Variants in MRPL33 observed in about 807,000 individuals in gnomAD.
The protein encoded by MRPL33 is large ribosomal subunit protein bL33m.
A neutral mutation model predicts 10.1 loss-of-function variants in MRPL33; 5 were observed. That is an observed-to-expected ratio of 0.49 (90% CI 0.26 to 1.04). MRPL33 has a LOEUF of 1.04. MRPL33 is among the 50% of genes least tolerant of loss of function. The pLI is 0.14. For missense variants in MRPL33, 79 were observed against 78.1 expected, an observed-to-expected ratio of 1.01 and a Z score of -0.04; for synonymous variants, 24 against 27.7, an observed-to-expected ratio of 0.87 and a Z score of 0.42.
intron 2 of MRPL33, among the ~76,000 whole-genome samples, chr2:27,773,832 T>C (rs1677097485): frequency 6.6e-6 from 1 of 152,228 alleles, no homozygotes; most frequent in South Asian, 2.1e-4. Context: ...TAACATGGTC[T>C]ACATGGGGAG....
At chr2:27,776,055 G>A (rs2148174058) in intron 3 of MRPL33, among the ~76,000 whole-genome samples, 2 of 152,300 alleles carry the variant, frequency 1.3e-5, no homozygotes, top group South Asian at 4.1e-4. Context: ...TTCATCTTTA[G>A]TATGGAGGTA....
At chr2:27,774,892 C>T (rs940013508) in intron 3 of MRPL33, among the ~76,000 whole-genome samples, 2 of 152,048 alleles carry the variant, frequency 1.3e-5, no homozygotes, top group South Asian at 2.1e-4. Context: ...GATAGTTAAC[C>T]GAGACCTGAA....
In MRPL33 at chr2:27,779,567, AAG is replaced by A. The variant is rs1677238398; in HGVS notation, c.*87_*88del. ...TCAGAAATCCTGTAGCGTGTAATAA[AAG>A]AAGAGGAAATGGCATGGAATCACTG... On this transcript the variant is annotated 3_prime_UTR_variant, in exon 4 of 4. Coordinates refer to ENST00000296102, the MANE Select transcript of MRPL33 (RefSeq NM_004891.4). The A allele has an allele frequency of 6.3e-7, 1 of 1,592,934 alleles. No individual in the cohort carries two copies. The highest frequency in any genetic ancestry group is 8.5e-7 in the Non-Finnish European group (1 of 1,174,236).
chr2:27,773,504 T>C (rs551119648), intron 2 of MRPL33, among the ~76,000 whole-genome samples: 7 of 152,240 alleles, frequency 4.6e-5, no homozygotes, highest in Non-Finnish European at 8.8e-5. Flanking sequence ...ACTCTCGTTC[T>C]TTCTACCCTT....
chr2:27,776,328 A>G, intron 3 of MRPL33, among the ~76,000 whole-genome samples: 1 of 152,254 alleles, frequency 6.6e-6, no homozygotes, highest in East Asian at 1.9e-4. Context: ...TTCGTGATGA[A>G]GATGTTTGCC....
chr2:27,772,621 G>T, intron 1 of MRPL33, 53 bp from the exon 2 acceptor site: 3 of 1,401,792 alleles, frequency 2.1e-6, no homozygotes, highest in Middle Eastern at 1.9e-4. Context: ...ATAAGAAAGA[G>T]AATACATTTA....
intron 3 of MRPL33, among the ~76,000 whole-genome samples, 164 bp downstream of exon 3, chr2:27,774,694 A>G (rs1389928169): frequency 6.6e-6 from 1 of 152,182 alleles, no homozygotes; most frequent in Non-Finnish European, 1.5e-5. Flanking sequence ...AGGTGCTGGG[A>G]TACACCAGGA....
At chr2:27,778,494 A>T (rs1677217076) in intron 3 of MRPL33, among the ~76,000 whole-genome samples, 1 of 151,542 alleles carries the variant, frequency 6.6e-6, no homozygotes, top group South Asian at 2.1e-4. Flanking sequence ...AAGTTAATCG[A>T]GTGCCATAAG....
rs561747108 is a variant in MRPL33 at position 27,771,926 on chromosome 2, C to T, written c.22+127C>T. On this transcript the variant is annotated intron_variant, in intron 1 of 3. Transcript: ENST00000296102. ...GGGAAGCTGCAGCTGCGTACTTTTC[C>T]AGGCCTTCAGGACCACAGCGTCCGG... The T allele has an allele frequency of 1.1e-5, 11 of 990,918 alleles. No individual in the cohort carries two copies. The East Asian group carries it at 2.9e-4, about 26-fold the overall frequency. The allele number at this position is 990,918 out of a possible 1,614,324, so 61.4% of individuals were successfully genotyped here.
chr2:27,774,951 C>G (rs988177204), intron 3 of MRPL33, among the ~76,000 whole-genome samples: 1 of 152,188 alleles, frequency 6.6e-6, no homozygotes, highest in African/African-American at 2.4e-5. Flanking sequence ...GTTCTGGAAA[C>G]AGACAAGTGT....
intron 2 of MRPL33, 76 bp from the exon 3 acceptor site, chr2:27,774,346 CAA>C: frequency 8.5e-7 from 1 of 1,181,510 alleles, no homozygotes; most frequent in East Asian, 2.3e-5. Flanking sequence ...ACAGAGTTCT[CAA>C]AATGTGCCAT....
At chr2:27,776,595 A>G (rs1470484262) in intron 3 of MRPL33, among the ~76,000 whole-genome samples, 4 of 152,260 alleles carry the variant, frequency 2.6e-5, no homozygotes, top group Non-Finnish European at 5.9e-5. Context: ...ATTTCCGAAG[A>G]GGAAGGATTA....
rs929307691 is a variant in MRPL33, at chr2:27,771,719, AGTT to A, written c.-51_-49del. On this transcript the variant is annotated 5_prime_UTR_variant, in exon 1 of 4. Coordinates refer to ENST00000296102, the MANE Select transcript of MRPL33 (RefSeq NM_004891.4). The stretch of plus-strand genomic sequence containing the variant: ...CAGAACCGGGCCGTGCCCCGGAAGC[AGTT>A]GTTGTTGGTTGGGGGCCTTTTGGCC... 3.1e-6 allele frequency: 5 copies of A among 1,606,704 alleles called. No homozygotes were observed. Among genetic ancestry groups the A allele is most frequent in the African/African-American group, 1.3e-5 (1 of 74,766 alleles).
rs1677239416 is a variant in MRPL33 at position 27,779,615 on chromosome 2, A to G, written c.*133A>G. ...CACTGCCTCCTGTGATTTGAAGGCCATTGTGAAGGAAAACAATGCAGTGAA... is the reference window on the plus strand; with the variant it reads ...CACTGCCTCCTGTGATTTGAAGGCCGTTGTGAAGGAAAACAATGCAGTGAA... On this transcript the variant is annotated 3_prime_UTR_variant, in exon 4 of 4. Transcript: ENST00000296102. 6.5e-7 allele frequency: 1 copy of G among 1,547,770 alleles called. No homozygotes were observed. The highest frequency in any genetic ancestry group is 1.4e-5 in the African/African-American group (1 of 72,262).
intron 1 of MRPL33, 188 bp from the exon 2 acceptor site, chr2:27,772,486 C>T (rs1677067580): frequency 3.7e-6 from 2 of 536,734 alleles, no homozygotes; most frequent in East Asian, 3.1e-5. Context: ...GATCTTTTAA[C>T]CTTCCTTCTA....
intron 2 of MRPL33, among the ~76,000 whole-genome samples, chr2:27,773,029 C>T (rs927829263): frequency 2.0e-5 from 3 of 152,200 alleles, no homozygotes; most frequent in East Asian, 3.9e-4. Flanking sequence ...TTCCTCAAAT[C>T]GAGGACCAGG....
Position 27,771,761 on chromosome 2 carries a change from GC to G in MRPL33, c.-14del. 6.2e-7 allele frequency: 1 copy of G among 1,614,172 alleles called. No homozygotes were observed. The highest frequency in any genetic ancestry group is 8.5e-7 in the Non-Finnish European group (1 of 1,179,994). ...GGCCTTTTGGCCGGTGACGGAGACT[GC>G]CCAGGTGTGGTCACCATGTTCCTCT... On this transcript the variant is annotated 5_prime_UTR_variant, in exon 1 of 4. Coordinates refer to ENST00000296102, the MANE Select transcript of MRPL33 (RefSeq NM_004891.4).
chr2:27,772,123 C>A (rs1370579363), intron 1 of MRPL33: 3 of 382,584 alleles, frequency 7.8e-6, no homozygotes, highest in Non-Finnish European at 1.4e-5. Context: ...TTGCAGCCCA[C>A]CTATTTCGAA....
chr2:27,778,966 CT>C (rs879453214), intron 3 of MRPL33, among the ~76,000 whole-genome samples: 1 of 152,188 alleles, frequency 6.6e-6, no homozygotes, highest in Non-Finnish European at 1.5e-5. Flanking sequence ...AAACTAAAAA[CT>C]CCGTATTTGG....
Sources: allele counts gnomAD v4.1 joint callset (sites outside exome capture counted in the v4.1 genomes callset), GRCh38; gene constraint gnomAD v4.1.1; transcripts MANE v1.5; gene names NCBI Gene and HGNC (gene_info 2026-07-23, HGNC 2026-07-21).